The following MYT1 variants were observed in gnomAD, a reference collection of about 807,000 sequenced individuals.
MYT1 encodes the protein myelin transcription factor I.
Under a neutral mutation model 123.0 loss-of-function variants are expected in MYT1, and 23 were observed. That is an observed-to-expected ratio of 0.19 (90% confidence interval 0.13 to 0.26). MYT1 has a LOEUF of 0.26. Among genes scored for constraint, MYT1 ranks in the 10% least tolerant of loss-of-function variants. The pLI, the probability that MYT1 is intolerant of heterozygous loss-of-function variation, is 1.00. For synonymous variants in MYT1, 518 were observed against 575.3 expected (o/e 0.90, Z 1.43); for missense variants, 1,125 against 1,472.5 (o/e 0.76, Z 3.86).
chr20:64,218,477 G>A lies in MYT1; in HGVS notation c.1847-434G>A, dbSNP rs1464166064. Among the ~76,000 whole-genome samples, 4 of 152,296 alleles carry A rather than the reference G, an allele frequency of 2.6e-5. No individual in the cohort carries two copies. In the East Asian group the frequency reaches 5.8e-4, roughly 22 times the overall value. On this transcript the variant is annotated intron_variant, in intron 11 of 22. Transcript: ENST00000328439. This position sits in a 1 kb window ranked among gnomAD's most constrained non-coding sequence, Gnocchi z 4.0. ...TGGGACAAAATTTTCCTATTTGGGC[G>A]ATATGGCAAACACTCATCCTATTCA... is the stretch of plus-strand genomic sequence containing the variant.
chr20:64,218,215 C>T lies in MYT1; in HGVS notation c.1847-696C>T, dbSNP rs1307075680. 1.3e-5 allele frequency among the ~76,000 whole-genome samples: 2 copies of T among 152,174 alleles called. No homozygotes were observed. Among genetic ancestry groups the T allele is most frequent in the African/African-American group, 4.8e-5 (2 of 41,420 alleles). On this transcript the variant is annotated intron_variant, in intron 11 of 22. Transcript: ENST00000328439. This position sits in a 1 kb window ranked among gnomAD's most constrained non-coding sequence, Gnocchi z 4.0. ...CAATGGTGCCAGTGGAGAGGGGGAC[C>T]TCACGATAAGCTTTCCAATATATCT... is the stretch of plus-strand genomic sequence containing the variant.
Position 64,231,398 on chromosome 20 carries a change from C to T in MYT1, c.2676-766C>T, listed in dbSNP as rs890316852. On this transcript the variant is annotated intron_variant, in intron 18 of 22. Coordinates refer to ENST00000328439, the MANE Select transcript of MYT1 (RefSeq NM_004535.3). This position sits in a 1 kb window ranked among gnomAD's most constrained non-coding sequence, Gnocchi z 6.4. ...CTGCGCTGTCCTGTTTGTCTCTGAC[C>T]CACACTGAGCCCAAGGCATTTGCCA... Among the ~76,000 whole-genome samples the T allele has an allele frequency of 2.0e-5, 3 of 152,174 alleles. No individual in the cohort carries two copies. Among genetic ancestry groups the T allele is most frequent in the Non-Finnish European group, 2.9e-5 (2 of 68,024 alleles).
At position 64,190,199 on chromosome 20, in the gene MYT1, C is replaced by G. The variant is rs764938218; in HGVS notation, c.-1+39C>G. On this transcript the variant is annotated intron_variant, in intron 2 of 22. Coordinates refer to ENST00000328439, the MANE Select transcript of MYT1 (RefSeq NM_004535.3). This position sits in a 1 kb window ranked among gnomAD's most constrained non-coding sequence, Gnocchi z 4.1. The stretch of plus-strand genomic sequence containing the variant: ...GGGCAGCCCCTGTCGTAGGGCCCCA[C>G]CCCATGGCTGCCTGCACAAAGCCTC... 1 of 152,690 alleles carries G rather than the reference C, an allele frequency of 6.5e-6. No homozygotes were observed. The highest frequency in any genetic ancestry group is 1.5e-5 in the Non-Finnish European group (1 of 68,100). The allele number at this position is 152,690 out of a possible 1,614,324, so 9.5% of individuals were successfully genotyped here.
Position 64,213,718 on chromosome 20 carries a change from G to A in MYT1, c.1631+71G>A, listed in dbSNP as rs982414249. On this transcript the variant is annotated intron_variant, in intron 10 of 22. Coordinates refer to ENST00000328439, the MANE Select transcript of MYT1 (RefSeq NM_004535.3). The surrounding 1 kb of genome is among the most constrained non-coding windows in gnomAD (Gnocchi z 5.6). ...CCTGCAGAGGGCTTCTCAGTCTCCCGCAGGCTGTATGTGCATGTGTGTGAG... is the reference window on the plus strand; with the variant it reads ...CCTGCAGAGGGCTTCTCAGTCTCCCACAGGCTGTATGTGCATGTGTGTGAG... 5 of 1,284,254 alleles carry A rather than the reference G, an allele frequency of 3.9e-6. No individual in the cohort carries two copies. Among genetic ancestry groups the A allele is most frequent in the East Asian group, 2.3e-5 (1 of 42,946 alleles). The allele number at this position is 1,284,254 out of a possible 1,614,324, so 79.6% of individuals were successfully genotyped here.
chr20:64,207,922 T>G lies in MYT1; in HGVS notation c.726T>G (p.Asp242Glu). Residue 242 changes from aspartate to glutamate, a missense_variant, in exon 7 of 23, where the codon GAT (aspartate) becomes GAG (glutamate). Transcript: ENST00000328439. ...ACCTGTGTCCCCAGTCCCTGGAGGA[T>G]GCAGCCAGTGAGGAGTCCAGCAAGC... is the stretch of plus-strand genomic sequence containing the variant. The part of the protein sequence containing the change: ...SQDLCPQSLE[D>E]AASEESSKQK... The G allele has an allele frequency of 6.2e-7, 1 of 1,607,974 alleles. No homozygotes were observed. Among genetic ancestry groups the G allele is most frequent in the Non-Finnish European group, 8.5e-7 (1 of 1,178,132 alleles).
chr20:64,201,517 G>C (rs902464210), intron 4 of MYT1, among the ~76,000 whole-genome samples: 1 of 152,160 alleles, frequency 6.6e-6, no homozygotes, highest in Non-Finnish European at 1.5e-5. Flanking sequence ...ATGTTCCAAG[G>C]AATCAAATAC....
At chr20:64,184,961 A>G (rs929808596) in intron 1 of MYT1, among the ~76,000 whole-genome samples, 3 of 152,212 alleles carry the variant, frequency 2.0e-5, no homozygotes, top group Admixed American at 6.5e-5. Flanking sequence ...ACAGACACGC[A>G]CCGCAGTGAT....
In MYT1 at chr20:64,212,100, C is replaced by A. The variant is rs768733771; in HGVS notation, c.1479C>A (p.Gly493=). The change falls in exon 9 of 23, where the codon GGC becomes GGA. Residue 493 remains glycine (G), a synonymous_variant. Coordinates refer to ENST00000328439, the MANE Select transcript of MYT1 (RefSeq NM_004535.3). The surrounding 1 kb of genome is among the most constrained non-coding windows in gnomAD (Gnocchi z 6.8). ...AGTGCCCCACTCCTGGCTGCACAGG[C>A]CAGGGTCACGTGAACAGCAACCGCA... ...VLKCPTPGCT[G]QGHVNSNRNT... 7.4e-6 allele frequency: 12 copies of A among 1,613,630 alleles called. No individual in the cohort carries two copies. The highest frequency in any genetic ancestry group is 9.3e-6 in the Non-Finnish European group (11 of 1,179,898).
Position 64,213,585 on chromosome 20 carries a change from G to A in MYT1, c.1569G>A (p.Glu523=). 6.2e-7 allele frequency: 1 copy of A among 1,614,146 alleles called. No individual in the cohort carries two copies. Among genetic ancestry groups the A allele is most frequent in the Non-Finnish European group, 8.5e-7 (1 of 1,180,018 alleles). ...CCGAAAAATTAGCCAAATCCCATGA[G>A]AAGCAGCAGCCGCAGACAGGAGATC... The part of the protein sequence containing the change: ...AAAEKLAKSH[E]KQQPQTGDPS... The change falls in exon 10 of 23, where the codon GAG becomes GAA. Residue 523 remains glutamate (E), a synonymous_variant. Transcript: ENST00000328439. The surrounding 1 kb of genome is among the most constrained non-coding windows in gnomAD (Gnocchi z 5.6).
chr20:64,227,085 C>T (rs931309799), intron 16 of MYT1, among the ~76,000 whole-genome samples: 6 of 152,296 alleles, frequency 3.9e-5, no homozygotes, highest in Non-Finnish European at 5.9e-5. Context: ...TGCAGTGGAC[C>T]CTGTAGGCCT....
rs1305996971 is a variant in MYT1 at position 64,195,122 on chromosome 20, G to C, written c.1-3740G>C. On this transcript the variant is annotated intron_variant, in intron 2 of 22. Coordinates refer to ENST00000328439, the MANE Select transcript of MYT1 (RefSeq NM_004535.3). The stretch of plus-strand genomic sequence containing the variant: ...GCCTGCCTCGGCCTCCCAAAGTGCT[G>C]GGATTACAGGCGTGAGCCACCATGC... Among the ~76,000 whole-genome samples, 7 of 152,054 alleles carry C rather than the reference G, an allele frequency of 4.6e-5. No homozygotes were observed. The East Asian group carries it at 1.4e-3, about 29-fold the overall frequency.
chr20:64,187,081 G>A (rs1236518450), intron 1 of MYT1, among the ~76,000 whole-genome samples: 3 of 147,932 alleles, frequency 2.0e-5, no homozygotes, highest in African/African-American at 2.5e-5. Flanking sequence ...CCTGTAGCCC[G>A]TGGCCCCGGC....
At chr20:64,194,468 C>T (rs1983047446) in intron 2 of MYT1, among the ~76,000 whole-genome samples, 2 of 152,218 alleles carry the variant, frequency 1.3e-5, no homozygotes, top group South Asian at 2.1e-4. Flanking sequence ...GGCTGGTGCC[C>T]CTCAGGGCCA....
At chr20:64,183,515 C>A in intron 1 of MYT1, among the ~76,000 whole-genome samples, 1 of 152,206 alleles carries the variant, frequency 6.6e-6, no homozygotes, top group East Asian at 1.9e-4. Context: ...CTTGCCAACA[C>A]TTGTTACTAT....
chr20:64,207,354 A>G (rs1002094662), intron 6 of MYT1, among the ~76,000 whole-genome samples: 4 of 152,254 alleles, frequency 2.6e-5, no homozygotes, highest in Admixed American at 2.0e-4. Context: ...TAAAAAATAC[A>G]TCAGTGGCCC....
chr20:64,239,082 C>T (rs894382240), intron 21 of MYT1, among the ~76,000 whole-genome samples: 29 of 152,332 alleles, frequency 1.9e-4, no homozygotes, highest in Non-Finnish European at 2.9e-4. Context: ...CCTCTGCCCC[C>T]GTGGCTCCCT....
In MYT1 at chr20:64,208,004, G is replaced by C; in HGVS notation, c.808G>C (p.Glu270Gln). 6.3e-7 allele frequency: 1 copy of C among 1,596,212 alleles called. No individual in the cohort carries two copies. Among genetic ancestry groups the C allele is most frequent in the Non-Finnish European group, 8.5e-7 (1 of 1,172,888 alleles). Residue 270 changes from glutamate (E) to glutamine (Q), a missense_variant, in exon 7 of 23, where the codon GAG becomes CAG. Glu to Gln is a conservative substitution (Grantham distance 29). Around this residue, in one of 4 missense-constraint regions of MYT1, gnomAD observed 406 missense variants for 432.2 expected, o/e 0.94. Transcript: ENST00000328439. This position sits in a 1 kb window ranked among gnomAD's most constrained non-coding sequence, Gnocchi z 5.4. ...CGAGGAGGAGGAGGAGGAGGAAGAG[G>C]AGGAGGAGGAGGATGAAGAAGAGGA... ...EDEEEEEEEE[E>Q]EEEDEEEEEE...
chr20:64,219,591 G>A (rs544427178), intron 12 of MYT1, 122 bp from the exon 13 acceptor site: 14 of 876,384 alleles, frequency 1.6e-5, no homozygotes, highest in African/African-American at 6.8e-5. Context: ...GTCTGTCCCC[G>A]TTGTCCTGCT....
At chr20:64,217,878 T>A (rs1983886346) in intron 11 of MYT1, among the ~76,000 whole-genome samples, 1 of 152,278 alleles carries the variant, frequency 6.6e-6, no homozygotes, top group Non-Finnish European at 1.5e-5. Context: ...TACAAATCTT[T>A]AAGAACAATC....
Sources: gnomAD v4.1 joint callset for allele counts (sites outside exome capture counted in the v4.1 genomes callset) on GRCh38, gnomAD v4.1.1 for gene constraint, gnomAD v4.1.1 regional missense constraint, Gnocchi (gnomAD v3.1) non-coding constraint, MANE v1.5 for transcripts, NCBI Gene and HGNC (gene_info 2026-07-23, HGNC 2026-07-21) for gene names.